Variants in HYDIN observed in about 807,000 individuals in gnomAD.
HYDIN encodes HYDIN axonemal central pair apparatus protein, also known as axonemal central pair apparatus protein HYDIN.
Under a neutral mutation model 403.9 loss-of-function variants are expected in HYDIN, and 132 were observed. That is an observed-to-expected ratio of 0.33 (90% CI 0.28 to 0.38). HYDIN has a LOEUF of 0.38. Among genes scored for constraint, HYDIN ranks in the 10% least tolerant of loss-of-function variants. HYDIN has a pLI of 1.00. For missense variants in HYDIN, 2,827 were observed against 5,009.5 expected (o/e 0.56, Z 13.15); for synonymous variants, 1,202 against 1,891.7 (o/e 0.64, Z 9.46).
At chr16:71,204,816 T>C (rs751351267) in intron 1 of HYDIN, among the ~76,000 whole-genome samples, 10 of 152,122 alleles carry the variant, frequency 6.6e-5, no homozygotes, top group Non-Finnish European at 1.3e-4. Flanking sequence ...CCACTCTATA[T>C]CTCTAACAAG....
intron 73 of HYDIN, among the ~76,000 whole-genome samples, chr16:70,853,694 G>T (rs2038818833): frequency 7.1e-6 from 1 of 141,138 alleles, no homozygotes; most frequent in Non-Finnish European, 1.5e-5. Context: ...AGGAGGTGTT[G>T]CTTGGGGGAA....
chr16:71,187,368 A>G (rs2087205998), intron 1 of HYDIN, among the ~76,000 whole-genome samples: 1 of 152,208 alleles, frequency 6.6e-6, no homozygotes. Flanking sequence ...ATGAGATAAG[A>G]CAGGCAAAGG....
rs187362100 is a variant in HYDIN at position 70,984,714 on chromosome 16, A to T, written c.4332+471T>A. Among the ~76,000 whole-genome samples, 3 of 136,534 alleles carry T rather than the reference A, an allele frequency of 2.2e-5. No homozygotes were observed. The Admixed American group carries it at 2.3e-4, about 10-fold the overall frequency. The allele number at this position is 136,534 out of a possible 152,430, so 89.6% of individuals were successfully genotyped here. A position where few individuals can be genotyped will look rare whatever the true frequency, so the allele number is the denominator to read the frequency against. On this transcript the variant is annotated intron_variant, in intron 28 of 85. Coordinates refer to ENST00000393567, the MANE Select transcript of HYDIN (RefSeq NM_001270974.2). The stretch of plus-strand genomic sequence containing the variant: ...ATAACAATTATGTGCTATTTTCATA[A>T]TGAGAAAAATTCAACAAATGTTCCT...
chr16:70,818,063 AG>A (rs1406358461), intron 84 of HYDIN, among the ~76,000 whole-genome samples: 4 of 152,220 alleles, frequency 2.6e-5, no homozygotes, highest in African/African-American at 9.6e-5. Context: ...TTTATAATTA[AG>A]AAAAAACAAG....
At chr16:70,956,483 G>A (rs2078240971) in intron 39 of HYDIN, among the ~76,000 whole-genome samples, 1 of 152,178 alleles carries the variant, frequency 6.6e-6, no homozygotes, top group African/African-American at 2.4e-5. Flanking sequence ...AAGAGACTTT[G>A]CAGATGTGAT....
intron 23 of HYDIN, among the ~76,000 whole-genome samples, chr16:71,016,895 G>A (rs1359091006): frequency 6.6e-6 from 1 of 151,912 alleles, no homozygotes; most frequent in Non-Finnish European, 1.5e-5. Context: ...ACGTGGTTTG[G>A]CTCTCTGTCC....
chr16:70,809,757 C>T, intron 85 of HYDIN, 26 bp downstream of exon 85: 1 of 1,559,788 alleles, frequency 6.4e-7, no homozygotes. Flanking sequence ...GAGGGAAGGG[C>T]AGAAGGTAGA....
chr16:70,967,688 G>A (rs1177158467), intron 36 of HYDIN, among the ~76,000 whole-genome samples: 5 of 152,104 alleles, frequency 3.3e-5, no homozygotes, highest in Admixed American at 1.3e-4. Flanking sequence ...GGGTTTCACC[G>A]TGTTAGCCAG....
chr16:71,125,193 G>A (rs569285520), intron 9 of HYDIN, among the ~76,000 whole-genome samples: 11 of 152,200 alleles, frequency 7.2e-5, no homozygotes, highest in African/African-American at 2.4e-4. Flanking sequence ...TTTCCTTTTC[G>A]CTCTGCTCTT....
At chr16:71,083,491 A>G (rs2082845777) in intron 12 of HYDIN, among the ~76,000 whole-genome samples, 1 of 136,436 alleles carries the variant, frequency 7.3e-6, no homozygotes, top group Admixed American at 7.4e-5. Flanking sequence ...CTCAGTGTTT[A>G]CATGTTTGAG....
chr16:71,227,163 G>GTGTA (rs926823054), intron 1 of HYDIN, among the ~76,000 whole-genome samples: 7 of 149,330 alleles, frequency 4.7e-5, no homozygotes, highest in African/African-American at 1.7e-4. Context: ...GTGTGTGTGT[G>GTGTA]TATATATATA....
At chr16:70,827,726 AGAAG>A (rs2036682327) in intron 82 of HYDIN, among the ~76,000 whole-genome samples, 2 of 148,548 alleles carry the variant, frequency 1.3e-5, no homozygotes, top group South Asian at 4.4e-4. Flanking sequence ...ATGCTCCAAG[AGAAG>A]GAAGGTAAGA....
Position 70,837,039 on chromosome 16 carries a change from AG to A in HYDIN, c.13242+650del, listed in dbSNP as rs553985101. ...GCTATGCATTCCTGAAAGTCTTGGA[AG>A]GATTTTAATCTTCCAAAACCTTCTA... On this transcript the variant is annotated intron_variant, in intron 77 of 85. Coordinates refer to ENST00000393567, the MANE Select transcript of HYDIN (RefSeq NM_001270974.2). 4.7e-3 allele frequency among the ~76,000 whole-genome samples: 710 copies of A among 152,384 alleles called. 1 individual carries two copies. The highest frequency in any genetic ancestry group is 6.5e-3 in the Non-Finnish European group (443 of 68,044).
chr16:70,856,733 C>T (rs1249606110), intron 72 of HYDIN, among the ~76,000 whole-genome samples: 2 of 152,284 alleles, frequency 1.3e-5, no homozygotes, highest in Middle Eastern at 3.4e-3. Flanking sequence ...TGCTACATTG[C>T]TTATTTGTTC....
At chr16:70,893,252 G>A (rs1382749909) in intron 55 of HYDIN, among the ~76,000 whole-genome samples, 4 of 152,114 alleles carry the variant, frequency 2.6e-5, no homozygotes, top group Non-Finnish European at 5.9e-5. Context: ...AAAGAGCACA[G>A]CTAATGCCCC....
chr16:71,011,815 C>T (rs2144102020), intron 23 of HYDIN, among the ~76,000 whole-genome samples: 1 of 151,104 alleles, frequency 6.6e-6, no homozygotes, highest in South Asian at 2.1e-4. Flanking sequence ...CTTCTTCAGC[C>T]TCCTTCCAGG....
At chr16:70,972,162 A>G (rs1270675271) in intron 35 of HYDIN, among the ~76,000 whole-genome samples, 1 of 139,182 alleles carries the variant, frequency 7.2e-6, no homozygotes, top group African/African-American at 2.7e-5. Context: ...CATATTACTA[A>G]TTTTCTTTTA....
intron 2 of HYDIN, among the ~76,000 whole-genome samples, chr16:71,186,451 G>A (rs1235400626): frequency 2.0e-5 from 3 of 151,988 alleles, no homozygotes; most frequent in Non-Finnish European, 4.4e-5. Flanking sequence ...GACTGTTTTT[G>A]AACTAAACAA....
chr16:70,908,528 T>C lies in HYDIN; in HGVS notation c.8214-94A>G, dbSNP rs192809479. The stretch of plus-strand genomic sequence containing the variant: ...GCCTGGAAGTCCTGTCCTGTTGGGG[T>C]GGGCATGGTGGCCCCTGGAGCCCCA... On this transcript the variant is annotated intron_variant, in intron 48 of 85. Transcript: ENST00000393567. 1.9e-4 allele frequency: 293 copies of C among 1,504,920 alleles called. 1 individual carries two copies. In the African/African-American group the frequency reaches 3.6e-3, roughly 18 times the overall value. 93.2% of individuals were successfully genotyped at this position (1,504,920 alleles called of 1,614,324 possible).
Sources: gnomAD v4.1 joint callset for allele counts (sites outside exome capture counted in the v4.1 genomes callset) on GRCh38, gnomAD v4.1.1 for gene constraint, MANE v1.5 for transcripts, NCBI Gene and HGNC (gene_info 2026-07-23, HGNC 2026-07-21) for gene names.